The following COL27A1 variants were observed in gnomAD, a reference collection of about 807,000 sequenced individuals.
COL27A1 encodes the protein collagen type XXVII alpha 1 chain, also known as collagen alpha-1(XXVII) chain.
COL27A1 carries 106 observed loss-of-function variants against 251.3 expected under a neutral mutation model. That is an observed-to-expected ratio of 0.42 (90% CI 0.36 to 0.50). COL27A1 has a LOEUF of 0.50. Among genes scored for constraint, COL27A1 ranks in the 20% least tolerant of loss-of-function variants. The pLI is 0.00. For synonymous variants in COL27A1, 1,000 were observed against 986.3 expected (o/e 1.01, Z -0.26); for missense variants, 2,325 against 2,522.8 (o/e 0.92, Z 1.68).
At chr9:114,284,306 G>T (rs1836118657) in intron 40 of COL27A1, among the ~76,000 whole-genome samples, 1 of 152,256 alleles carries the variant, frequency 6.6e-6, no homozygotes, top group South Asian at 2.1e-4. Context: ...GGAGGAGGAG[G>T]AGAGGAAAAG....
At chr9:114,184,637 A>T (rs140321272) in intron 5 of COL27A1, among the ~76,000 whole-genome samples, 210 of 152,346 alleles carry the variant, frequency 1.4e-3, no homozygotes, top group African/African-American at 4.5e-3. Context: ...AATAACAGCC[A>T]TATACTGAAC....
intron 3 of COL27A1, among the ~76,000 whole-genome samples, chr9:114,172,352 C>G (rs1849379797): frequency 6.6e-6 from 1 of 152,200 alleles, no homozygotes. Flanking sequence ...GTCCCCCATC[C>G]AGGCACATGC....
intron 5 of COL27A1, among the ~76,000 whole-genome samples, chr9:114,185,769 G>A (rs1828293149): frequency 6.6e-6 from 1 of 152,256 alleles, no homozygotes; most frequent in Admixed American, 6.5e-5. Context: ...ACTACGGGCT[G>A]TTGACAGATA....
At chr9:114,237,786 C>A in intron 19 of COL27A1, 71 bp downstream of exon 19, 2 of 1,306,538 alleles carry the variant, frequency 1.5e-6, no homozygotes, top group Non-Finnish European at 2.2e-6. Flanking sequence ...AAACTGAGGC[C>A]CAGGGATGGG....
chr9:114,212,787 G>A (rs570327265), intron 12 of COL27A1, among the ~76,000 whole-genome samples: 1 of 152,344 alleles, frequency 6.6e-6, no homozygotes, highest in African/African-American at 2.4e-5. Context: ...AATAAATAGA[G>A]CCGCCCGGAA....
intron 19 of COL27A1, 75 bp from the exon 20 acceptor site, chr9:114,240,145 C>A: frequency 7.5e-7 from 1 of 1,327,922 alleles, no homozygotes; most frequent in Non-Finnish European, 1.1e-6. Context: ...CCCGGTCAGT[C>A]TCCCTGCAAG....
intron 6 of COL27A1, among the ~76,000 whole-genome samples, 164 bp from the exon 7 acceptor site, chr9:114,195,795 C>A (rs991972217): frequency 1.3e-5 from 2 of 152,196 alleles, no homozygotes; most frequent in Non-Finnish European, 2.9e-5. Flanking sequence ...ACCACTCACT[C>A]TTCTTGCTGG....
chr9:114,230,577 G>C (rs1831874783), intron 14 of COL27A1, among the ~76,000 whole-genome samples: 1 of 152,186 alleles, frequency 6.6e-6, no homozygotes, highest in African/African-American at 2.4e-5. Context: ...TCAACCCTGG[G>C]ATTTCTGGGA....
intron 56 of COL27A1, among the ~76,000 whole-genome samples, chr9:114,302,495 G>A (rs997040496): frequency 2.2e-4 from 34 of 152,112 alleles, no homozygotes; most frequent in African/African-American, 7.5e-4. Context: ...GGGAGTTCGA[G>A]GCGAGCAGAT....
intron 3 of COL27A1, among the ~76,000 whole-genome samples, chr9:114,174,733 T>TA (rs1238109671): frequency 6.6e-6 from 1 of 152,168 alleles, no homozygotes; most frequent in African/African-American, 2.4e-5. Flanking sequence ...CCAGGGAGAT[T>TA]AAGTAACTTG....
At chr9:114,226,356 T>C (rs1831467450) in intron 14 of COL27A1, among the ~76,000 whole-genome samples, 1 of 152,208 alleles carries the variant, frequency 6.6e-6, no homozygotes, top group African/African-American at 2.4e-5. Context: ...GCCAAGTTTT[T>C]AGTTGTCACA....
chr9:114,266,706 G>A (rs1834770046), intron 33 of COL27A1, 88 bp downstream of exon 33: 1 of 1,220,050 alleles, frequency 8.2e-7, no homozygotes, highest in South Asian at 1.2e-5. Context: ...GCCTCTTTCT[G>A]CCATTCCCTG....
At chr9:114,244,200 G>T (rs1442933825) in intron 23 of COL27A1, among the ~76,000 whole-genome samples, 2 of 152,136 alleles carry the variant, frequency 1.3e-5, no homozygotes, top group African/African-American at 4.8e-5. Flanking sequence ...GGATCAAGAA[G>T]TCAAGAGATC....
At chr9:114,196,537 G>C (rs1334589605) in intron 7 of COL27A1, among the ~76,000 whole-genome samples, 2 of 152,194 alleles carry the variant, frequency 1.3e-5, no homozygotes, top group Non-Finnish European at 2.9e-5. Context: ...GTTGGACCTG[G>C]GTCCTACTCC....
intron 4 of COL27A1, among the ~76,000 whole-genome samples, chr9:114,181,560 G>A (rs1166807639): frequency 1.3e-5 from 2 of 152,186 alleles, no homozygotes; most frequent in Non-Finnish European, 2.9e-5. Flanking sequence ...GTGGGGTTGG[G>A]AGGACCACTG....
At chr9:114,309,165 C>T in intron 59 of COL27A1, 95 bp from the exon 60 acceptor site, 1 of 977,820 alleles carries the variant, frequency 1.0e-6, no homozygotes, top group Non-Finnish European at 1.6e-6. Context: ...CAGGAAGGGG[C>T]CTATCCCTGT....
Position 114,237,023 on chromosome 9 carries a change from C to G in COL27A1, c.2662C>G (p.Pro888Ala). 1 of 1,609,182 alleles carries G rather than the reference C, an allele frequency of 6.2e-7. No homozygotes were observed. The highest frequency in any genetic ancestry group is 1.1e-5 in the South Asian group (1 of 90,398). Reference protein sequence around the residue: ...LPGFPGARGKPGPLGKVGDKG... With the variant: ...LPGFPGARGKAGPLGKVGDKG... ...AGGGTTCCCCGGTGCACGGGGGAAG[C>G]CAGGGCCTCTGGTAAGTACCTGCTC... The change falls in exon 18 of 61, where the codon CCA (proline) becomes GCA (alanine). Residue 888 changes from proline to alanine, a missense_variant. Pro to Ala is a conservative substitution (Grantham distance 27). Transcript: ENST00000356083.
chr9:114,296,818 C>T (rs543021201), intron 49 of COL27A1, among the ~76,000 whole-genome samples: 3 of 151,896 alleles, frequency 2.0e-5, no homozygotes, highest in Non-Finnish European at 4.4e-5. Context: ...GTGTATCAGC[C>T]GGTGAATAGA....
chr9:114,286,562 G>T (rs77943773), intron 41 of COL27A1, among the ~76,000 whole-genome samples: 2,439 of 152,242 alleles, frequency 0.016, 66 homozygotes, highest in African/African-American at 0.056. Flanking sequence ...AGAGAGAGGG[G>T]ATGAGACTCT....
Sources: allele counts gnomAD v4.1 joint callset (sites outside exome capture counted in the v4.1 genomes callset), GRCh38; gene constraint gnomAD v4.1.1; transcripts MANE v1.5; gene names NCBI Gene and HGNC (gene_info 2026-07-23, HGNC 2026-07-21).